SLC66A3: variants seen among roughly 807,000 people sequenced by gnomAD.
SLC66A3 encodes the protein solute carrier family 66 member 3.
Under a neutral mutation model 25.5 loss-of-function variants are expected in SLC66A3, and 23 were observed. That is an observed-to-expected ratio of 0.90 (90% CI 0.65 to 1.28). The LOEUF (loss-of-function observed/expected upper bound fraction) is 1.28. Among genes scored for constraint, SLC66A3 ranks in the 50% most tolerant of loss-of-function variants. The pLI is 0.00. For synonymous variants in SLC66A3, 108 were observed against 112.6 expected, an observed-to-expected ratio of 0.96 and a Z score of 0.26; for missense variants, 246 against 262.1, an observed-to-expected ratio of 0.94 and a Z score of 0.42.
intron 4 of SLC66A3, among the ~76,000 whole-genome samples, chr2:11,169,070 C>T (rs528136279): frequency 6.6e-6 from 1 of 152,146 alleles, no homozygotes; most frequent in Admixed American, 6.5e-5. Flanking sequence ...GTTGGTCAGG[C>T]TGGTCTCGAA....
At chr2:11,173,820 TAAGTA>T (rs1572196308) in intron 5 of SLC66A3, among the ~76,000 whole-genome samples, 1 of 152,204 alleles carries the variant, frequency 6.6e-6, no homozygotes, top group East Asian at 1.9e-4. Context: ...AAATGTTTAC[TAAGTA>T]AAGGGCTATG....
intron 1 of SLC66A3, among the ~76,000 whole-genome samples, chr2:11,157,903 C>G (rs1226007835): frequency 2.6e-5 from 4 of 152,132 alleles, no homozygotes; most frequent in Non-Finnish European, 5.9e-5. Context: ...TCTCTGCAGC[C>G]AGGAGCCTCC....
intron 4 of SLC66A3, among the ~76,000 whole-genome samples, chr2:11,169,066 C>T (rs2147997040): frequency 6.6e-6 from 1 of 152,236 alleles, no homozygotes; most frequent in East Asian, 1.9e-4. Context: ...CCATGTTGGT[C>T]AGGCTGGTCT....
intron 4 of SLC66A3, among the ~76,000 whole-genome samples, chr2:11,171,105 G>T (rs903867452): frequency 6.6e-6 from 1 of 151,970 alleles, no homozygotes; most frequent in Admixed American, 6.6e-5. Flanking sequence ...ATCACCTGAG[G>T]TCAGGAATTT....
intron 3 of SLC66A3, among the ~76,000 whole-genome samples, chr2:11,161,759 G>A (rs754692446): frequency 2.6e-5 from 4 of 152,236 alleles, no homozygotes; most frequent in East Asian, 1.9e-4. Context: ...GGACTCAAGC[G>A]ATCTTTCCAC....
In SLC66A3 at chr2:11,158,551, A is replaced by G. The variant is rs1290017270; in HGVS notation, c.144-1915A>G. Among the ~76,000 whole-genome samples, 3 of 152,252 alleles carry G rather than the reference A, an allele frequency of 2.0e-5. No individual in the cohort carries two copies. In the East Asian group the frequency reaches 5.8e-4, roughly 29 times the overall value. ...GTGGCTGGCGCCTGTAGTCCCAGCT[A>G]CTTGGGAGTCTGAGGCAGGAGAATG... On this transcript the variant is annotated intron_variant, in intron 1 of 6. Coordinates refer to ENST00000295083, the MANE Select transcript of SLC66A3 (RefSeq NM_152391.5).
chr2:11,170,528 G>A (rs987377319), intron 4 of SLC66A3, among the ~76,000 whole-genome samples: 2 of 120,286 alleles, frequency 1.7e-5, no homozygotes, highest in Non-Finnish European at 4.0e-5. Context: ...CTTGCTGCTG[G>A]AGTTTGTTTG....
At chr2:11,168,709 C>T (rs573228235) in intron 4 of SLC66A3, among the ~76,000 whole-genome samples, 1 of 152,278 alleles carries the variant, frequency 6.6e-6, no homozygotes, top group South Asian at 2.1e-4. Context: ...AGCCCCTCTC[C>T]TCACAGGTCT....
chr2:11,155,689 G>A lies in SLC66A3; in HGVS notation c.143G>A (p.Gly48Glu), dbSNP rs762399014. ...CCGAGTTTACTTCTGGAGCTGGCAG[G>A]GTAAGGCCCGGGGCGGCCGGGGCTG... ...SLPSLLLELA[G>E]FLVFLRYQCY... The change falls in exon 1 of 7, where the codon GGA becomes GAA. Residue 48 changes from glycine to glutamate, a missense_variant and splice_region_variant. Physicochemically the swap from Gly to Glu is moderately conservative, Grantham distance 98 (BLOSUM62 -2). Around this residue, in one of 3 missense-constraint regions of SLC66A3, gnomAD observed 142 missense variants for 130.3 expected, o/e 1.09. Transcript: ENST00000295083. The A allele has an allele frequency of 2.8e-6, 4 of 1,428,062 alleles. No homozygotes were observed. The South Asian group carries it at 4.4e-5, about 16-fold the overall frequency. 88.5% of individuals were successfully genotyped at this position (1,428,062 alleles called of 1,614,324 possible). A position where few individuals can be genotyped will look rare whatever the true frequency, so the allele number is the denominator to read the frequency against.
intron 3 of SLC66A3, among the ~76,000 whole-genome samples, chr2:11,163,308 G>A (rs954266867): frequency 3.3e-5 from 5 of 152,110 alleles, no homozygotes; most frequent in African/African-American, 1.2e-4. Flanking sequence ...AATGAGGTGG[G>A]ATAGAACAGA....
intron 4 of SLC66A3, among the ~76,000 whole-genome samples, chr2:11,170,865 A>G (rs1202209204): frequency 6.6e-6 from 1 of 152,006 alleles, no homozygotes; most frequent in African/African-American, 2.4e-5. Context: ...CTGGGATTAC[A>G]GGCCTGAGCC....
chr2:11,157,624 T>C (rs1661953929), intron 1 of SLC66A3, among the ~76,000 whole-genome samples: 1 of 152,256 alleles, frequency 6.6e-6, no homozygotes, highest in Admixed American at 6.5e-5. Flanking sequence ...GTCAGCCACC[T>C]GGAGGGCACG....
At chr2:11,162,909 T>C (rs1238621617) in intron 3 of SLC66A3, among the ~76,000 whole-genome samples, 2 of 152,230 alleles carry the variant, frequency 1.3e-5, no homozygotes, top group Non-Finnish European at 2.9e-5. Flanking sequence ...CCCGGCCTAA[T>C]GAATACTTTT....
intron 6 of SLC66A3, among the ~76,000 whole-genome samples, 162 bp from the exon 7 acceptor site, chr2:11,177,575 T>C (rs1662805234): frequency 6.6e-6 from 1 of 152,228 alleles, no homozygotes; most frequent in Admixed American, 6.5e-5. Context: ...GGGCCAAAAA[T>C]TGTCATGATA....
At chr2:11,175,664 CTA>C (rs148872428) in intron 6 of SLC66A3, among the ~76,000 whole-genome samples, 3,635 of 152,190 alleles carry the variant, frequency 0.024, 168 homozygotes, top group African/African-American at 0.083. Context: ...CACCAATGGA[CTA>C]TGTTTTTGTT....
rs79252261 is a variant in SLC66A3 at position 11,157,316 on chromosome 2, G to C, written c.143+1627G>C. On this transcript the variant is annotated intron_variant, in intron 1 of 6. Coordinates refer to ENST00000295083, the MANE Select transcript of SLC66A3 (RefSeq NM_152391.5). The stretch of plus-strand genomic sequence containing the variant: ...TGCCATCCCTGCTGGCCTGTCTAAG[G>C]GTCTTGCAGTTGATCACGTGCAGGT... Among the ~76,000 whole-genome samples, 4 of 152,344 alleles carry C rather than the reference G, an allele frequency of 2.6e-5. No homozygotes were observed. The East Asian group carries it at 7.7e-4, about 29-fold the overall frequency.
chr2:11,162,359 T>C (rs1272874467), intron 3 of SLC66A3, among the ~76,000 whole-genome samples: 1 of 152,206 alleles, frequency 6.6e-6, no homozygotes, highest in African/African-American at 2.4e-5. Context: ...AAGGTTTTGG[T>C]AAACAGTACT....
intron 1 of SLC66A3, chr2:11,160,234 G>T (rs986788549): frequency 4.0e-5 from 24 of 595,086 alleles, no homozygotes; most frequent in Non-Finnish European, 5.1e-5. Context: ...TATAGAGATC[G>T]TGGGTATTGC....
intron 3 of SLC66A3, among the ~76,000 whole-genome samples, chr2:11,162,143 A>G (rs562552805): frequency 1.3e-5 from 2 of 152,346 alleles, no homozygotes; most frequent in Admixed American, 1.3e-4. Flanking sequence ...AGTCAAGCAG[A>G]GTAAATGACA....
Sources: allele counts gnomAD v4.1 joint callset (sites outside exome capture counted in the v4.1 genomes callset), GRCh38; gene constraint gnomAD v4.1.1; regional missense constraint gnomAD v4.1.1; transcripts MANE v1.5; gene names NCBI Gene and HGNC (gene_info 2026-07-23, HGNC 2026-07-21).